The following MAP7 variants were observed in gnomAD, a reference collection of about 807,000 sequenced individuals.
MAP7 encodes microtubule associated protein 7.
In MAP7, 52 loss-of-function variants were observed where a neutral mutation model predicts 94.8. The ratio of observed to expected loss-of-function variants is 0.55; its 90% CI spans 0.44 to 0.69. MAP7 has a LOEUF of 0.69. Ranked by LOEUF, MAP7 falls within the 30% of genes least tolerant of loss-of-function variation. MAP7 has a pLI of 0.00. For missense variants in MAP7, 940 were observed against 964.6 expected (o/e 0.97, Z 0.34); for synonymous variants, 350 against 357.0 (o/e 0.98, Z 0.22).
Position 136,505,269 on chromosome 6 carries a change from G to GTA in MAP7, c.67+45072_67+45073insTA, listed in dbSNP as rs1201954440. On this transcript the variant is annotated intron_variant, in intron 1 of 17. Coordinates refer to ENST00000354570, the MANE Select transcript of MAP7 (RefSeq NM_003980.6). ...CCATGTAATGTGTGTGTGTGTGTGT[G>GTA]TGTGTGTGTATATATATATATATAT... 1.7e-3 allele frequency among the ~76,000 whole-genome samples: 173 copies of GTA among 99,342 alleles called. 1 individual carries two copies. Among genetic ancestry groups the GTA allele is most frequent in the African/African-American group, 8.0e-3 (164 of 20,506 alleles). The allele number at this position is 99,342 out of a possible 152,430, so 65.2% of individuals were successfully genotyped here.
rs184424340 is a variant in MAP7 at position 136,366,354 on chromosome 6, G to A, written c.962C>T (p.Ala321Val). 2.5e-6 allele frequency: 4 copies of A among 1,614,114 alleles called. No individual in the cohort carries two copies. The Admixed American group carries it at 5.0e-5, about 20-fold the overall frequency. The change falls in exon 9 of 18, where the codon GCA becomes GTA. Residue 321 changes from alanine to valine, a missense_variant. By Grantham distance (64) the Ala-to-Val change is moderately conservative. Transcript: ENST00000354570. Reference sequence around the variant, plus strand: ...AAGTCGGGAGCGAGCTGGTTGTCTTGCTTTGGGATTAGATGGAGATACAGC... The same window carrying A: ...AAGTCGGGAGCGAGCTGGTTGTCTTACTTTGGGATTAGATGGAGATACAGC... ...RRAVSPSNPK[A>V]RQPARSRLWL...
At chr6:136,390,616 G>A (rs1780437047) in intron 3 of MAP7, among the ~76,000 whole-genome samples, 2 of 152,172 alleles carry the variant, frequency 1.3e-5, no homozygotes, top group Non-Finnish European at 2.9e-5. Flanking sequence ...TTGTGCCACT[G>A]CACTCCAGCC....
chr6:136,397,462 T>TC (rs1782798242), intron 3 of MAP7, among the ~76,000 whole-genome samples: 1 of 152,108 alleles, frequency 6.6e-6, no homozygotes, highest in Non-Finnish European at 1.5e-5. Context: ...CACGAAAAAA[T>TC]TCAGCAACTG....
chr6:136,444,110 A>G (rs1798657888), intron 1 of MAP7, among the ~76,000 whole-genome samples: 1 of 152,186 alleles, frequency 6.6e-6, no homozygotes, highest in African/African-American at 2.4e-5. Context: ...TTTATTTTCT[A>G]AGGTATGTGA....
chr6:136,548,716 T>C (rs1381116983), intron 1 of MAP7, among the ~76,000 whole-genome samples: 1 of 152,240 alleles, frequency 6.6e-6, no homozygotes. Flanking sequence ...CACTTATGTC[T>C]GAACAAGTTG....
intron 1 of MAP7, among the ~76,000 whole-genome samples, chr6:136,470,639 G>A (rs944033278): frequency 6.6e-6 from 1 of 151,918 alleles, no homozygotes; most frequent in Non-Finnish European, 1.5e-5. Context: ...TCCTCTGCTT[G>A]CTTTCAACAA....
chr6:136,367,126 C>T (rs1363134160), intron 8 of MAP7, among the ~76,000 whole-genome samples: 1 of 152,200 alleles, frequency 6.6e-6, no homozygotes, highest in Non-Finnish European at 1.5e-5. Context: ...ATCACCCCTC[C>T]CTGATTGCCA....
chr6:136,538,546 G>A (rs1156278810), intron 1 of MAP7, among the ~76,000 whole-genome samples: 1 of 152,040 alleles, frequency 6.6e-6, no homozygotes, highest in Non-Finnish European at 1.5e-5. Flanking sequence ...AGCACTTTGG[G>A]AGGCCGAGGC....
At position 136,518,339 on chromosome 6, in the gene MAP7, T is replaced by G. The variant is rs368203315; in HGVS notation, c.67+32003A>C. ...TTCTTTGGAATCTAGAAAGATTATA[T>G]GAGAATTTCCTTACTAACAAACCAT... is the stretch of plus-strand genomic sequence containing the variant. On this transcript the variant is annotated intron_variant, in intron 1 of 17. Transcript: ENST00000354570. Among the ~76,000 whole-genome samples the G allele has an allele frequency of 1.4e-4, 21 of 152,288 alleles. No homozygotes were observed. In the East Asian group the frequency reaches 2.7e-3, roughly 20 times the overall value.
chr6:136,483,288 C>T (rs1813514258), intron 1 of MAP7, among the ~76,000 whole-genome samples: 1 of 152,146 alleles, frequency 6.6e-6, no homozygotes, highest in Admixed American at 6.6e-5. Context: ...AAACCAAATA[C>T]TGCATGTTCT....
rs768219481 is a variant in MAP7 at position 136,550,357 on chromosome 6, C to T, written c.52G>A (p.Val18Met). 6.5e-7 allele frequency: 1 copy of T among 1,528,062 alleles called. No individual in the cohort carries two copies. Among genetic ancestry groups the T allele is most frequent in the South Asian group, 1.2e-5 (1 of 83,296 alleles). The allele number at this position is 1,528,062 out of a possible 1,614,324, so 94.7% of individuals were successfully genotyped here. Residue 18 changes from valine to methionine, a missense_variant, in exon 1 of 18, where the codon GTG becomes ATG. By Grantham distance (21) the Val-to-Met change is conservative (BLOSUM62 1). Transcript: ENST00000354570. This position sits in a 1 kb window ranked among gnomAD's most constrained non-coding sequence, Gnocchi z 5.1. ...GDGHRGGDGA[V>M]RSETAPDSYK... is the part of the protein sequence containing the mutation. ...GTGCGGTCACCTGTTTCGCTTCGCA[C>T]TGCGCCGTCGCCGCCCCTGTGGCCG...
intron 1 of MAP7, among the ~76,000 whole-genome samples, chr6:136,431,504 A>ATTTATTTG (rs1196470876): frequency 6.7e-6 from 1 of 148,344 alleles, no homozygotes; most frequent in Non-Finnish European, 1.5e-5. Flanking sequence ...TTATTTATTT[A>ATTTATTTG]TTTATTTATT....
At chr6:136,360,581 G>T (rs1213988368) in intron 13 of MAP7, 116 bp downstream of exon 13, 1 of 790,698 alleles carries the variant, frequency 1.3e-6, no homozygotes, top group Non-Finnish European at 2.1e-6. Flanking sequence ...ATCACTGAGG[G>T]GGCTACTAGT....
intron 1 of MAP7, among the ~76,000 whole-genome samples, chr6:136,461,866 T>C (rs989025810): frequency 2.6e-5 from 4 of 152,160 alleles, no homozygotes; most frequent in Non-Finnish European, 4.4e-5. Flanking sequence ...TATTAAAAAG[T>C]AGAAAAACTC....
chr6:136,518,258 C>A (rs1241004245), intron 1 of MAP7, among the ~76,000 whole-genome samples: 1 of 152,146 alleles, frequency 6.6e-6, no homozygotes, highest in African/African-American at 2.4e-5. Flanking sequence ...GATAATTTTT[C>A]TGGGTCTATA....
intron 2 of MAP7, among the ~76,000 whole-genome samples, chr6:136,416,380 G>C (rs1055052953): frequency 6.6e-6 from 1 of 151,984 alleles, no homozygotes; most frequent in Non-Finnish European, 1.5e-5. Context: ...TTAAAGGTAG[G>C]TTTTCAAAAA....
rs1435052709 is a variant in MAP7, at chr6:136,538,855, CACA to C, written c.67+11484_67+11486del. ...GGCTTTTATGGGTGTTTAGCGTGAT[CACA>C]TAACACAATCTAAGGGTCTCACAGG... On this transcript the variant is annotated intron_variant, in intron 1 of 17. Transcript: ENST00000354570. Among the ~76,000 whole-genome samples the C allele has an allele frequency of 4.8e-5, 7 of 147,030 alleles. No individual in the cohort carries two copies. The East Asian group carries it at 1.4e-3, about 30-fold the overall frequency.
In MAP7 at chr6:136,421,782, C is replaced by G. The variant is rs774047253; in HGVS notation, c.85G>C (p.Val29Leu). ...CTGGAGGCATTTTTCTTATCTTGCA[C>G]TTTGTAGCTGTCGGGTGCTACAGAA... is the stretch of plus-strand genomic sequence containing the variant. ...RSETAPDSYK[V>L]QDKKNASSRP... The change falls in exon 2 of 18, where the codon GTG becomes CTG. Residue 29 changes from valine to leucine, a missense_variant. Transcript: ENST00000354570. 3.1e-6 allele frequency: 5 copies of G among 1,612,424 alleles called. No individual in the cohort carries two copies. In the South Asian group the frequency reaches 5.5e-5, roughly 18 times the overall value.
intron 1 of MAP7, among the ~76,000 whole-genome samples, chr6:136,482,295 G>A (rs1813089853): frequency 1.3e-5 from 2 of 152,100 alleles, no homozygotes; most frequent in African/African-American, 4.8e-5. Flanking sequence ...AATATAAATT[G>A]TTCTACCATA....
Sources: allele counts gnomAD v4.1 joint callset (sites outside exome capture counted in the v4.1 genomes callset), GRCh38; gene constraint gnomAD v4.1.1; non-coding constraint Gnocchi (gnomAD v3.1); transcripts MANE v1.5; gene names NCBI Gene and HGNC (gene_info 2026-07-23, HGNC 2026-07-21).